PTPRM: variants seen among roughly 807,000 people sequenced by gnomAD.
PTPRM encodes the protein protein tyrosine phosphatase receptor type M.
In PTPRM, 47 loss-of-function variants were observed where a neutral mutation model predicts 186.7. That is an observed-to-expected ratio of 0.25 (90% CI 0.20 to 0.32). PTPRM has a LOEUF of 0.32. PTPRM is among the 10% of genes least tolerant of loss of function. PTPRM has a pLI of 1.00. For missense variants in PTPRM, 1,494 were observed against 1,865.0 expected, an observed-to-expected ratio of 0.80 and a Z score of 3.66; for synonymous variants, 668 against 674.9, an observed-to-expected ratio of 0.99 and a Z score of 0.16.
chr18:8,063,066 G>A (rs1485533160), intron 7 of PTPRM, among the ~76,000 whole-genome samples: 5 of 151,310 alleles, frequency 3.3e-5, no homozygotes, highest in African/African-American at 9.8e-5. Context: ...CCTCGCTGCC[G>A]CCTTGCAGTT....
intron 2 of PTPRM, among the ~76,000 whole-genome samples, chr18:7,834,916 C>T (rs987788628): frequency 1.3e-5 from 2 of 149,630 alleles, no homozygotes; most frequent in Non-Finnish European, 3.0e-5. Flanking sequence ...TCATAATAGC[C>T]ACTAATGGTT....
At chr18:8,151,905 G>A (rs1267617188) in intron 14 of PTPRM, among the ~76,000 whole-genome samples, 1 of 152,030 alleles carries the variant, frequency 6.6e-6, no homozygotes, top group Non-Finnish European at 1.5e-5. Context: ...CTTGGGTAGG[G>A]AAAGAAATTC....
chr18:7,765,019 G>A (rs1487570542), intron 1 of PTPRM, among the ~76,000 whole-genome samples: 1 of 152,182 alleles, frequency 6.6e-6, no homozygotes, highest in Admixed American at 6.5e-5. Flanking sequence ...TCTATGAGGT[G>A]TTTATTTGTA....
intron 1 of PTPRM, among the ~76,000 whole-genome samples, chr18:7,739,126 G>A (rs901535755): frequency 7.1e-6 from 1 of 140,612 alleles, no homozygotes; most frequent in Non-Finnish European, 1.5e-5. Context: ...AGAGAAGATG[G>A]CACTCAAAAA....
At chr18:7,809,031 A>G (rs1174902405) in intron 2 of PTPRM, among the ~76,000 whole-genome samples, 2 of 152,112 alleles carry the variant, frequency 1.3e-5, no homozygotes, top group East Asian at 3.9e-4. Flanking sequence ...GGTTTTCCCC[A>G]TGAATTTAAT....
chr18:7,568,854 A>C lies in PTPRM; in HGVS notation c.73+963A>C, dbSNP rs1160878516. Among the ~76,000 whole-genome samples the C allele has an allele frequency of 3.9e-5, 6 of 152,202 alleles. No individual in the cohort carries two copies. Among genetic ancestry groups the C allele is most frequent in the Non-Finnish European group, 7.3e-5 (5 of 68,042 alleles). On this transcript the variant is annotated intron_variant, in intron 1 of 32. Coordinates refer to ENST00000580170, the MANE Select transcript of PTPRM (RefSeq NM_001105244.2). This position sits in a 1 kb window ranked among gnomAD's most constrained non-coding sequence, Gnocchi z 5.1. ...CACGCTGTCACAGGGGTTTACAACC[A>C]GGATGACCTTTATTACCTGGGTGAC...
intron 2 of PTPRM, among the ~76,000 whole-genome samples, chr18:7,834,992 C>CTTTTTTTTTT (rs57839485): frequency 2.1e-4 from 18 of 85,238 alleles, no homozygotes; most frequent in Non-Finnish European, 2.3e-4. Flanking sequence ...TTATTTGGAT[C>CTTTTTTTTTT]TTTTTTTTTT....
intron 31 of PTPRM, among the ~76,000 whole-genome samples, chr18:8,392,903 T>G (rs995900097): frequency 6.6e-6 from 1 of 152,088 alleles, no homozygotes; most frequent in Admixed American, 6.5e-5. Flanking sequence ...AAACAAATCA[T>G]AAAATAAATA....
intron 22 of PTPRM, among the ~76,000 whole-genome samples, chr18:8,331,932 TC>T (rs2095414289): frequency 6.6e-6 from 1 of 152,224 alleles, no homozygotes; most frequent in South Asian, 2.1e-4. Context: ...TCTGAAGGCT[TC>T]CCTGGTGCAC....
intron 19 of PTPRM, among the ~76,000 whole-genome samples, chr18:8,283,269 A>C (rs1195053687): frequency 6.6e-6 from 1 of 152,262 alleles, no homozygotes; most frequent in Non-Finnish European, 1.5e-5. Context: ...GAAGCTCTCC[A>C]TACCATCCTT....
chr18:7,789,197 T>C lies in PTPRM; in HGVS notation c.196+14926T>C, dbSNP rs1431019985. Among the ~76,000 whole-genome samples the C allele has an allele frequency of 2.6e-5, 4 of 152,174 alleles. No individual in the cohort carries two copies. In the East Asian group the frequency reaches 7.7e-4, roughly 29 times the overall value. On this transcript the variant is annotated intron_variant, in intron 2 of 32. Transcript: ENST00000580170. ...AAAATTAGTCAGGCATGTTGGCACA[T>C]GTCTGTAGTTCCAGCTGCTTGGGAG...
intron 1 of PTPRM, among the ~76,000 whole-genome samples, chr18:7,653,000 C>G (rs866038581): frequency 2.2e-4 from 34 of 151,556 alleles, no homozygotes; most frequent in African/African-American, 8.2e-4. Flanking sequence ...AAAAAATAGG[C>G]AAAAGATCTG....
intron 1 of PTPRM, among the ~76,000 whole-genome samples, chr18:7,613,263 C>T (rs771673619): frequency 5.9e-5 from 9 of 152,210 alleles, no homozygotes; most frequent in Admixed American, 2.6e-4. Context: ...CTCCCCCAGT[C>T]ATTCTCTTCT....
chr18:8,077,721 T>A (rs1380433604), intron 9 of PTPRM, among the ~76,000 whole-genome samples: 2 of 152,198 alleles, frequency 1.3e-5, no homozygotes, highest in Non-Finnish European at 2.9e-5. Flanking sequence ...TTTTACCTAG[T>A]AACAGGATTT....
Position 7,899,895 on chromosome 18 carries a change from T to A in PTPRM, c.469-6610T>A, listed in dbSNP as rs142363078. On this transcript the variant is annotated intron_variant, in intron 3 of 32. Transcript: ENST00000580170. The stretch of plus-strand genomic sequence containing the variant: ...GTATTTTAAAAATTTGATAATGATA[T>A]TACAAACTTAAGTGGGTATTTAGAA... 2.0e-5 allele frequency among the ~76,000 whole-genome samples: 3 copies of A among 152,370 alleles called. No individual in the cohort carries two copies. The East Asian group carries it at 5.8e-4, about 29-fold the overall frequency.
At position 8,392,763 on chromosome 18, in the gene PTPRM, A is replaced by G. The variant is rs574470069; in HGVS notation, c.4209-1713A>G. 3.9e-5 allele frequency among the ~76,000 whole-genome samples: 6 copies of G among 152,314 alleles called. 1 individual carries two copies. Among genetic ancestry groups the G allele is most frequent in the African/African-American group, 1.4e-4 (6 of 41,572 alleles). On this transcript the variant is annotated intron_variant, in intron 31 of 32. Coordinates refer to ENST00000580170, the MANE Select transcript of PTPRM (RefSeq NM_001105244.2). ...AAAACAGGCTGGGGACTTGTCAGAA[A>G]AGAACAAAAGAGCCAGCCTGACGGA...
chr18:7,929,370 T>C lies in PTPRM; in HGVS notation c.663+2687T>C, dbSNP rs563092025. 9.2e-5 allele frequency among the ~76,000 whole-genome samples: 14 copies of C among 152,322 alleles called. No homozygotes were observed. In the East Asian group the frequency reaches 2.5e-3, roughly 27 times the overall value. Reference sequence around the variant, plus strand: ...AGTCGGTCCCTTAATGCCTTTCTTTTTCTCTTGCTGAGTCTTTTCTGACCC... The same window carrying C: ...AGTCGGTCCCTTAATGCCTTTCTTTCTCTCTTGCTGAGTCTTTTCTGACCC... On this transcript the variant is annotated intron_variant, in intron 5 of 32. Transcript: ENST00000580170.
At chr18:8,242,953 G>A (rs1000631538) in intron 14 of PTPRM, among the ~76,000 whole-genome samples, 2 of 152,108 alleles carry the variant, frequency 1.3e-5, no homozygotes, top group Admixed American at 6.5e-5. Context: ...TAAGTGCTTG[G>A]GCACAATTAG....
chr18:7,887,130 G>C (rs1179833567), intron 2 of PTPRM, among the ~76,000 whole-genome samples: 1 of 151,970 alleles, frequency 6.6e-6, no homozygotes, highest in South Asian at 2.1e-4. Context: ...AGGTGTACTT[G>C]CTCCTTAGAA....
Sources: gnomAD v4.1 joint callset for allele counts (sites outside exome capture counted in the v4.1 genomes callset) on GRCh38, gnomAD v4.1.1 for gene constraint, Gnocchi (gnomAD v3.1) non-coding constraint, MANE v1.5 for transcripts, NCBI Gene and HGNC (gene_info 2026-07-23, HGNC 2026-07-21) for gene names.